BANP: variants seen among roughly 807,000 people sequenced by gnomAD.
BANP encodes the protein protein BANP.
A neutral mutation model predicts 68.1 loss-of-function variants in BANP; 11 were observed. That is an observed-to-expected ratio of 0.16 (90% CI 0.10 to 0.27). BANP has a LOEUF of 0.27. BANP is among the 10% of genes least tolerant of loss of function. The pLI, the probability that BANP is intolerant of heterozygous loss-of-function variation, is 1.00. For synonymous variants in BANP, 329 were observed against 303.2 expected (o/e 1.09, Z -0.88); for missense variants, 504 against 722.7 (o/e 0.70, Z 3.47).
At chr16:87,969,679 C>T (rs992476827) in intron 1 of BANP, among the ~76,000 whole-genome samples, 4 of 150,458 alleles carry the variant, frequency 2.7e-5, no homozygotes, top group Non-Finnish European at 4.4e-5. Context: ...ATTACAGGCA[C>T]GCGCCGCCAT....
intron 4 of BANP, among the ~76,000 whole-genome samples, chr16:87,993,171 A>T (rs183415595): frequency 6.6e-6 from 1 of 152,284 alleles, no homozygotes; most frequent in Admixed American, 6.5e-5. Flanking sequence ...TGTCAGCAGG[A>T]CTCAGTGCTT....
intron 13 of BANP, 82 bp downstream of exon 13, chr16:88,072,294 G>A: frequency 6.8e-7 from 1 of 1,479,764 alleles, no homozygotes; most frequent in African/African-American, 1.4e-5. Flanking sequence ...TGGCCCCGGG[G>A]CTTTCTCGTG....
chr16:88,048,593 T>A (rs2082534778), intron 11 of BANP, among the ~76,000 whole-genome samples: 2 of 152,104 alleles, frequency 1.3e-5, no homozygotes, highest in South Asian at 2.1e-4. Context: ...GCATCGATTC[T>A]AACAGTGTTC....
chr16:87,959,315 C>T (rs950768175), intron 1 of BANP, among the ~76,000 whole-genome samples: 1 of 152,264 alleles, frequency 6.6e-6, no homozygotes, highest in Non-Finnish European at 1.5e-5. Context: ...ATGTAAAACC[C>T]ATTCCTGGCT....
chr16:88,034,117 C>A (rs2078791253), intron 9 of BANP, among the ~76,000 whole-genome samples: 1 of 152,194 alleles, frequency 6.6e-6, no homozygotes, highest in African/African-American at 2.4e-5. Context: ...CTTCAGCATG[C>A]TGTCTGGAAG....
In BANP at chr16:88,036,397, T is replaced by C. The variant is rs1244586765; in HGVS notation, c.1272+1003T>C. Among the ~76,000 whole-genome samples, 1 of 152,094 alleles carries C rather than the reference T, an allele frequency of 6.6e-6. No individual in the cohort carries two copies. Among genetic ancestry groups the C allele is most frequent in the African/African-American group, 2.4e-5 (1 of 41,414 alleles). ...GGGAGCTCATGCTGGGTGCAGGTGC[T>C]GTGGGGGAGCAGAGGAGAGAGAAGC... On this transcript the variant is annotated intron_variant, in intron 10 of 13. Transcript: ENST00000682872. This position sits in a 1 kb window ranked among gnomAD's most constrained non-coding sequence, Gnocchi z 4.2.
chr16:87,974,839 A>C (rs1221614445), intron 1 of BANP, among the ~76,000 whole-genome samples: 1 of 152,182 alleles, frequency 6.6e-6, no homozygotes, highest in Non-Finnish European at 1.5e-5. Context: ...CCAGTGGTTA[A>C]GGAAAGAGGC....
chr16:87,958,170 G>A (rs1229051608), intron 1 of BANP, among the ~76,000 whole-genome samples: 3 of 151,668 alleles, frequency 2.0e-5, no homozygotes, highest in African/African-American at 4.9e-5. Context: ...GTCCTTGGTC[G>A]TTTGTGCCAC....
intron 4 of BANP, among the ~76,000 whole-genome samples, chr16:87,996,610 C>G (rs1438283208): frequency 6.7e-6 from 1 of 149,856 alleles, no homozygotes; most frequent in South Asian, 2.1e-4. Context: ...CGGCTGGGCT[C>G]TGGTTCTGAG....
intron 4 of BANP, among the ~76,000 whole-genome samples, chr16:87,986,115 C>A (rs2064350130): frequency 6.6e-6 from 1 of 152,176 alleles, no homozygotes; most frequent in African/African-American, 2.4e-5. Context: ...CTCTCTGAAT[C>A]TTGACCACCA....
At chr16:87,984,676 T>A (rs1470164179) in intron 4 of BANP, among the ~76,000 whole-genome samples, 1 of 152,266 alleles carries the variant, frequency 6.6e-6, no homozygotes, top group Non-Finnish European at 1.5e-5. Flanking sequence ...TTTTGCTTAT[T>A]TTTAAAAAGT....
intron 11 of BANP, among the ~76,000 whole-genome samples, chr16:88,046,564 G>T (rs1189524389): frequency 6.6e-6 from 1 of 150,766 alleles, no homozygotes; most frequent in Non-Finnish European, 1.5e-5. Flanking sequence ...TATTTTTTTT[G>T]ACACGGAGTC....
intron 2 of BANP, 47 bp from the exon 3 acceptor site, chr16:87,980,989 T>TA (rs2063148871): frequency 7.4e-7 from 1 of 1,359,730 alleles, no homozygotes; most frequent in Non-Finnish European, 1.0e-6. Context: ...AATAATTCTG[T>TA]AAAACTTTTC....
chr16:87,976,538 C>G (rs1404510379), intron 2 of BANP, among the ~76,000 whole-genome samples: 1 of 121,188 alleles, frequency 8.3e-6, no homozygotes, highest in Non-Finnish European at 1.6e-5. Context: ...TTGAAGTGAC[C>G]AGCCCACCAC....
At chr16:87,995,801 G>A (rs939080881) in intron 4 of BANP, among the ~76,000 whole-genome samples, 1 of 152,250 alleles carries the variant, frequency 6.6e-6, no homozygotes, top group Non-Finnish European at 1.5e-5. Context: ...AACAAGCTCT[G>A]GGTCAAGATC....
At chr16:88,074,467 C>T (rs765519047) in intron 13 of BANP, among the ~76,000 whole-genome samples, 2 of 152,062 alleles carry the variant, frequency 1.3e-5, no homozygotes, top group Admixed American at 6.5e-5. Context: ...AGACACTTGT[C>T]TTAATGCGCG....
chr16:87,973,083 C>T (rs757404819), intron 1 of BANP, among the ~76,000 whole-genome samples: 32 of 151,938 alleles, frequency 2.1e-4, no homozygotes, highest in Non-Finnish European at 3.8e-4. Flanking sequence ...GTTCTGTTGT[C>T]GGTGTTGACT....
rs74040271 is a variant in BANP at position 88,035,503 on chromosome 16, A to G, written c.1272+109A>G. On this transcript the variant is annotated intron_variant, in intron 10 of 13. Coordinates refer to ENST00000682872, the MANE Select transcript of BANP (RefSeq NM_001386991.1). ...GCAGCAGGGAGCCCCCAGGACAGGGAACGTGGGCAAGGGCTGCAGGACTCC... is the reference window on the plus strand; with the variant it reads ...GCAGCAGGGAGCCCCCAGGACAGGGGACGTGGGCAAGGGCTGCAGGACTCC... 7.9e-3 allele frequency: 8,504 copies of G among 1,079,214 alleles called. 478 individuals are homozygous for G. The African/African-American group carries it at 0.12, about 15-fold the overall frequency. The allele number at this position is 1,079,214 out of a possible 1,614,324, so 66.9% of individuals were successfully genotyped here. A position where few individuals can be genotyped will look rare whatever the true frequency, so the allele number is the denominator to read the frequency against.
chr16:88,044,115 C>G (rs2081411902), intron 11 of BANP, among the ~76,000 whole-genome samples: 1 of 152,214 alleles, frequency 6.6e-6, no homozygotes, highest in African/African-American at 2.4e-5. Flanking sequence ...GTACCCTGAG[C>G]CAGTGCTGTG....
Sources: allele counts gnomAD v4.1 joint callset (sites outside exome capture counted in the v4.1 genomes callset), GRCh38; gene constraint gnomAD v4.1.1; non-coding constraint Gnocchi (gnomAD v3.1); transcripts MANE v1.5; gene names NCBI Gene and HGNC (gene_info 2026-07-23, HGNC 2026-07-21).